The following PABIR3 variants were observed in gnomAD, a reference collection of about 807,000 sequenced individuals.
PABIR3 encodes PABIR family member 1.
A neutral mutation model predicts 23.1 loss-of-function variants in PABIR3; 20 were observed. The observed-to-expected ratio is 0.86, with a 90% CI of 0.61 to 1.26. PABIR3 has a LOEUF of 1.26. Ranked by LOEUF, PABIR3 falls within the 50% of genes most tolerant of loss-of-function variation. PABIR3 has a pLI of 0.00. For synonymous variants in PABIR3, 69 were observed against 68.5 expected, an observed-to-expected ratio of 1.01 and a Z score of -0.04; for missense variants, 189 against 195.4, an observed-to-expected ratio of 0.97 and a Z score of 0.20.
At chrX:134,858,630 T>C (rs968785710), downstream of PABIR3, among the ~76,000 whole-genome samples, 1 of 112,044 alleles carries the variant, frequency 8.9e-6, no homozygotes, top group African/African-American at 3.2e-5. Flanking sequence ...AAATCTATCA[T>C]ATAGGTAGAC....
intron 10 of PABIR3, among the ~76,000 whole-genome samples, chrX:134,853,259 G>A (rs1400456423): frequency 2.7e-5 from 3 of 110,528 alleles, no homozygotes; most frequent in Non-Finnish European, 5.7e-5. Flanking sequence ...GTAGAGATGG[G>A]GTTTTTCCAT....
intron 6 of PABIR3, 101 bp from the exon 7 acceptor site, chrX:134,847,282 A>C: frequency 3.6e-6 from 2 of 556,127 alleles, no homozygotes; most frequent in Non-Finnish European, 5.8e-6. Context: ...GCAGCCAGTG[A>C]CTCAGTAGTA....
chrX:134,853,854 G>A (rs758988131), intron 10 of PABIR3, among the ~76,000 whole-genome samples: 2 of 111,385 alleles, frequency 1.8e-5, no homozygotes, highest in South Asian at 3.8e-4. Context: ...TCCTGACCTC[G>A]TGATCCACCT....
At chrX:134,821,235 C>T in intron 3 of PABIR3, 1 of 838,616 alleles carries the variant, frequency 1.2e-6, no homozygotes, top group Non-Finnish European at 1.6e-6. Context: ...GCGTATTTTC[C>T]AAGCATTGTA....
At chrX:134,825,084 G>T (rs1278738515) in intron 3 of PABIR3, among the ~76,000 whole-genome samples, 1 of 111,416 alleles carries the variant, frequency 9.0e-6, no homozygotes, top group Non-Finnish European at 1.9e-5. Flanking sequence ...GAGCCGGAGG[G>T]GGGTATGTGG....
Position 134,854,267 on chromosome X carries a change from A to G in PABIR3, c.*50A>G. 1 of 1,162,790 alleles carries G rather than the reference A, an allele frequency of 8.6e-7. No individual in the cohort carries two copies. The highest frequency in any genetic ancestry group is 1.2e-6 in the Non-Finnish European group (1 of 868,296). ...TCACCCATCCCAAGACTTTCTCACC[A>G]GTGGAGAAACACACACATCAAGCAA... On this transcript the variant is annotated 3_prime_UTR_variant, in exon 11 of 11. Transcript: ENST00000645433.
In PABIR3 at chrX:134,824,603, C is replaced by T. The variant is rs1049139153; in HGVS notation, c.190-4623C>T. On this transcript the variant is annotated intron_variant, in intron 3 of 10. Transcript: ENST00000645433. ...TCACTTGAAGCCAGGAGTTCGAGAC[C>T]AGTCTGGCCAACATGGAGAAACCCT... 3.6e-5 allele frequency among the ~76,000 whole-genome samples: 4 copies of T among 111,403 alleles called. 1 individual carries two copies. The highest frequency in any genetic ancestry group is 7.5e-5 in the Non-Finnish European group (4 of 53,067).
chrX:134,843,616 A>G (rs2082327208), intron 4 of PABIR3, among the ~76,000 whole-genome samples: 1 of 85,137 alleles, frequency 1.2e-5, no homozygotes, highest in Non-Finnish European at 2.1e-5. Flanking sequence ...CGCCCAGGCT[A>G]AAGTGCAGTG....
intron 1 of PABIR3, chrX:134,797,076 A>T (rs1286991142): frequency 8.8e-6 from 1 of 113,804 alleles, no homozygotes; most frequent in Non-Finnish European, 1.9e-5. Flanking sequence ...CTCGGGTTCT[A>T]ATGGTCTGGG....
chrX:134,821,245 A>T (rs1471338238), intron 3 of PABIR3: 4 of 114,453 alleles, frequency 3.5e-5, no homozygotes, highest in Non-Finnish European at 3.8e-5. Context: ...CAAGCATTGT[A>T]AAAAAAAAAA....
chrX:134,830,912 T>C (rs1212888353), intron 4 of PABIR3, among the ~76,000 whole-genome samples: 1 of 111,409 alleles, frequency 9.0e-6, no homozygotes, highest in African/African-American at 3.3e-5. Flanking sequence ...ATATGTATTA[T>C]AAATATTTAA....
chrX:134,862,457 T>C, the PABIR3 span, among the ~76,000 whole-genome samples: 1 of 112,141 alleles, frequency 8.9e-6, no homozygotes, highest in African/African-American at 3.2e-5. Context: ...GCCTCATTTT[T>C]GTTTTTAAGA....
At chrX:134,805,243 T>G (rs950559102), upstream of PABIR3, among the ~76,000 whole-genome samples, 1 of 111,648 alleles carries the variant, frequency 9.0e-6, no homozygotes, top group Middle Eastern at 4.6e-3. Context: ...AAAATGGGCA[T>G]TGTGATGGTG....
At chrX:134,804,197 C>T (rs1408459545), upstream of PABIR3, 2 of 1,148,295 alleles carry the variant, frequency 1.7e-6, no homozygotes, top group African/African-American at 3.6e-5. Flanking sequence ...GTCCCAAGAT[C>T]ATGGCATATT....
rs1008018798 is a variant in PABIR3, at chrX:134,810,741, C to T, written c.110+3033C>T. On this transcript the variant is annotated intron_variant, in intron 2 of 10. Transcript: ENST00000645433. ...GCCCTCTAATACTTGAGTACTTCCTCTTTCTAAACTATACCTGGCCAGTAA... is the reference window on the plus strand; with the variant it reads ...GCCCTCTAATACTTGAGTACTTCCTTTTTCTAAACTATACCTGGCCAGTAA... 4 of 750,812 alleles carry T rather than the reference C, an allele frequency of 5.3e-6. No individual in the cohort carries two copies. In the African/African-American group the frequency reaches 9.4e-5, roughly 18 times the overall value. The allele number at this position is 750,812 out of a possible 1,213,427, so 61.9% of individuals were successfully genotyped here.
chrX:134,801,483 CA>C (rs1223503986), intron 1 of PABIR3, among the ~76,000 whole-genome samples: 2 of 112,644 alleles, frequency 1.8e-5, no homozygotes, highest in African/African-American at 6.5e-5. Context: ...TGATGATCAT[CA>C]GGGGTTGGGA....
intron 2 of PABIR3, chrX:134,810,971 C>T: frequency 1.3e-6 from 1 of 754,069 alleles, no homozygotes; most frequent in Non-Finnish European, 1.6e-6. Context: ...AAATATTTAG[C>T]TTGCTAAACA....
the PABIR3 span, among the ~76,000 whole-genome samples, chrX:134,861,141 G>C: frequency 9.0e-6 from 1 of 110,788 alleles, no homozygotes; most frequent in African/African-American, 3.3e-5. Context: ...CGGGTGTGGT[G>C]GTGGGTGCCT....
chrX:134,828,341 T>A (rs761766965), intron 3 of PABIR3, among the ~76,000 whole-genome samples: 1 of 111,055 alleles, frequency 9.0e-6, no homozygotes, highest in East Asian at 2.8e-4. Flanking sequence ...TCTGCCTGCC[T>A]TGGCCTCCCA....
Sources: gnomAD v4.1 joint callset for allele counts (sites outside exome capture counted in the v4.1 genomes callset) on GRCh38, gnomAD v4.1.1 for gene constraint, MANE v1.5 for transcripts, NCBI Gene and HGNC (gene_info 2026-07-23, HGNC 2026-07-21) for gene names.